The following NAALADL2 variants were observed in gnomAD, a reference collection of about 807,000 sequenced individuals.
NAALADL2 encodes inactive N-acetylated-alpha-linked acidic dipeptidase-like protein 2.
In NAALADL2, 76 loss-of-function variants were observed where a neutral mutation model predicts 87.2. That is an observed-to-expected ratio of 0.87 (90% CI 0.72 to 1.05). The LOEUF is 1.05. NAALADL2 is among the 50% of genes least tolerant of loss of function. The pLI, the probability that NAALADL2 is intolerant of heterozygous loss-of-function variation, is 0.00. For missense variants in NAALADL2, 1,089 were observed against 945.8 expected, an observed-to-expected ratio of 1.15 and a Z score of -1.99; for synonymous variants, 354 against 331.0, an observed-to-expected ratio of 1.07 and a Z score of -0.75.
chr3:174,578,003 G>A (rs1560068105), intron 2 of NAALADL2, among the ~76,000 whole-genome samples: 2 of 151,930 alleles, frequency 1.3e-5, no homozygotes, highest in African/African-American at 2.4e-5. Context: ...TTCAGTGGAT[G>A]GGCTTAACAG....
intron 1 of NAALADL2, among the ~76,000 whole-genome samples, chr3:174,917,505 T>C (rs899725528): frequency 2.0e-5 from 3 of 152,118 alleles, no homozygotes; most frequent in Admixed American, 1.3e-4. Context: ...CCAGAAAATA[T>C]CCTCTGGATT....
At chr3:174,620,290 C>T (rs542907538) in intron 2 of NAALADL2, among the ~76,000 whole-genome samples, 3 of 152,134 alleles carry the variant, frequency 2.0e-5, no homozygotes, top group South Asian at 2.1e-4. Flanking sequence ...CACCTACAAC[C>T]ATAAATATCA....
At chr3:174,892,505 G>T (rs1466378497) in intron 1 of NAALADL2, among the ~76,000 whole-genome samples, 1 of 151,812 alleles carries the variant, frequency 6.6e-6, no homozygotes, top group South Asian at 2.1e-4. Context: ...AGCCTCAAAA[G>T]GTAAAAATCT....
rs560788085 is a variant in NAALADL2 at position 174,689,418 on chromosome 3, A to C, written c.-114-48223A>C. 9.4e-5 allele frequency among the ~76,000 whole-genome samples: 14 copies of C among 148,644 alleles called. No homozygotes were observed. In the South Asian group the frequency reaches 1.1e-3, roughly 11 times the overall value. On this transcript the variant is annotated intron_variant, in intron 2 of 3. Transcript: ENST00000434257. ...TCACCTTTTTTTTACCAGTTTGAGC[A>C]ATGGGTCACTTCTGCTTGTCATGGA...
chr3:174,494,797 C>A (rs1718414458), intron 1 of NAALADL2, among the ~76,000 whole-genome samples: 1 of 152,030 alleles, frequency 6.6e-6, no homozygotes, highest in Admixed American at 6.6e-5. Context: ...GTTCAATAAG[C>A]TTTTTACGTT....
At chr3:175,271,184 G>C (rs1387687671) in intron 4 of NAALADL2, 2 of 152,150 alleles carry the variant, frequency 1.3e-5, no homozygotes, top group Middle Eastern at 3.4e-3. Context: ...GAAAACAAAA[G>C]TTACTGATTT....
intron 13 of NAALADL2, among the ~76,000 whole-genome samples, chr3:175,794,469 G>T (rs922949832): frequency 1.3e-5 from 2 of 151,752 alleles, no homozygotes; most frequent in African/African-American, 4.8e-5. Context: ...TTTGATTTTA[G>T]TCTTGTTTTT....
intron 5 of NAALADL2, among the ~76,000 whole-genome samples, chr3:175,374,146 T>C (rs564815886): frequency 6.6e-6 from 1 of 152,302 alleles, no homozygotes; most frequent in South Asian, 2.1e-4. Flanking sequence ...AGAGTTTCGA[T>C]AAAAGATAAA....
chr3:174,549,635 T>C (rs550776767), intron 1 of NAALADL2, among the ~76,000 whole-genome samples: 1 of 152,324 alleles, frequency 6.6e-6, no homozygotes, highest in South Asian at 2.1e-4. Context: ...ACACTAACTC[T>C]GAAAGTTCAG....
chr3:175,620,443 G>A (rs1415335089), intron 10 of NAALADL2, among the ~76,000 whole-genome samples: 1 of 152,210 alleles, frequency 6.6e-6, no homozygotes, highest in African/African-American at 2.4e-5. Context: ...AGATCCCTAA[G>A]GGGTGTTACA....
chr3:175,049,429 GA>G (rs1472576381), intron 1 of NAALADL2, among the ~76,000 whole-genome samples: 2 of 152,126 alleles, frequency 1.3e-5, no homozygotes, highest in Non-Finnish European at 2.9e-5. Context: ...TTTTGTAACA[GA>G]AAACCTGTGT....
intron 11 of NAALADL2, chr3:175,655,592 C>T (rs1341206284): frequency 4.8e-6 from 1 of 208,968 alleles, no homozygotes; most frequent in Non-Finnish European, 1.0e-5. Flanking sequence ...ATCGCAGAAA[C>T]AATCATCAGC....
chr3:175,540,631 CAATAGT>C (rs1447256321), intron 9 of NAALADL2, among the ~76,000 whole-genome samples: 1 of 151,968 alleles, frequency 6.6e-6, no homozygotes, highest in Non-Finnish European at 1.5e-5. Flanking sequence ...AAGGCCATTG[CAATAGT>C]AATGATGGTT....
At chr3:175,383,741 AG>A (rs528680366) in intron 5 of NAALADL2, among the ~76,000 whole-genome samples, 51 of 152,166 alleles carry the variant, frequency 3.4e-4, no homozygotes, top group Non-Finnish European at 6.5e-4. Context: ...CTTTTACTTA[AG>A]GTATTATGAA....
chr3:175,644,826 T>G (rs1289648974), intron 11 of NAALADL2, among the ~76,000 whole-genome samples: 1 of 152,192 alleles, frequency 6.6e-6, no homozygotes, highest in Non-Finnish European at 1.5e-5. Context: ...CAGTAAATAC[T>G]TGCTTGATCC....
Position 175,095,069 on chromosome 3 carries a change from A to G in NAALADL2, c.44-1721A>G, listed in dbSNP as rs1239231020. ...TTTTTGACCAATGTCACCTTTTCCT[A>G]GTTTTTTCCTCAGCATCTTTGGCCC... On this transcript the variant is annotated intron_variant, in intron 1 of 13. Transcript: ENST00000454872. Among the ~76,000 whole-genome samples the G allele has an allele frequency of 5.9e-5, 9 of 151,988 alleles. No individual in the cohort carries two copies. The East Asian group carries it at 1.7e-3, about 30-fold the overall frequency.
intron 1 of NAALADL2, among the ~76,000 whole-genome samples, chr3:174,871,458 A>C (rs1227982182): frequency 6.6e-6 from 1 of 152,244 alleles, no homozygotes; most frequent in Non-Finnish European, 1.5e-5. Flanking sequence ...TTCCGTAGCC[A>C]GTGAAAGTTT....
intron 5 of NAALADL2, among the ~76,000 whole-genome samples, chr3:175,370,954 A>T (rs768548594): frequency 6.6e-6 from 1 of 152,156 alleles, no homozygotes; most frequent in South Asian, 2.1e-4. Flanking sequence ...CCTGAATGTC[A>T]TAACATTATG....
At chr3:175,341,898 T>C (rs1459520399) in intron 5 of NAALADL2, among the ~76,000 whole-genome samples, 1 of 152,094 alleles carries the variant, frequency 6.6e-6, no homozygotes, top group Non-Finnish European at 1.5e-5. Context: ...GGATAGCAAG[T>C]TGTCTCAGTA....
Sources: allele counts gnomAD v4.1 joint callset (sites outside exome capture counted in the v4.1 genomes callset), GRCh38; gene constraint gnomAD v4.1.1; transcripts MANE v1.5; gene names NCBI Gene and HGNC (gene_info 2026-07-23, HGNC 2026-07-21).